Variants in TRIOBP observed in about 807,000 individuals in gnomAD.
The protein encoded by TRIOBP is TRIO and F-actin-binding protein.
Under a neutral mutation model 238.8 loss-of-function variants are expected in TRIOBP, and 169 were observed. The observed-to-expected ratio is 0.71, with a 90% CI of 0.62 to 0.80. The LOEUF (loss-of-function observed/expected upper bound fraction) is 0.80, where lower values mean the gene tolerates loss of function less well. Ranked by LOEUF, TRIOBP falls within the 30% of genes least tolerant of loss-of-function variation. The pLI is 0.00. For synonymous variants in TRIOBP, 1,150 were observed against 1,274.4 expected (o/e 0.90, Z 2.08); for missense variants, 2,838 against 3,122.6 (o/e 0.91, Z 2.17).
chr22:37,707,554 T>C (rs1014805584), intron 3 of TRIOBP, among the ~76,000 whole-genome samples: 1 of 151,994 alleles, frequency 6.6e-6, no homozygotes, highest in East Asian at 1.9e-4. Context: ...TTTAGCCCAT[T>C]TTTCCTCCAA....
intron 11 of TRIOBP, among the ~76,000 whole-genome samples, chr22:37,742,849 T>G (rs184481244): frequency 1.3e-5 from 2 of 152,120 alleles, no homozygotes; most frequent in Admixed American, 1.3e-4. Context: ...CGCCACCTAA[T>G]TGCATTTGAT....
chr22:37,750,005 A>G (rs529020550), intron 11 of TRIOBP, among the ~76,000 whole-genome samples: 128 of 152,214 alleles, frequency 8.4e-4, no homozygotes, highest in African/African-American at 2.9e-3. Context: ...TCACTGTGTC[A>G]TGGCGTGCCT....
chr22:37,721,746 GC>G (rs1412329182), intron 6 of TRIOBP, among the ~76,000 whole-genome samples: 1 of 152,220 alleles, frequency 6.6e-6, no homozygotes, highest in East Asian at 1.9e-4. Context: ...CTCTCAAAGT[GC>G]TGGGATTACA....
chr22:37,763,120 G>T (rs112936129), intron 17 of TRIOBP, among the ~76,000 whole-genome samples: 1 of 152,278 alleles, frequency 6.6e-6, no homozygotes, highest in African/African-American at 2.4e-5. Context: ...GGGTCTGCCT[G>T]CCTGGTCTGG....
intron 11 of TRIOBP, chr22:37,750,616 A>T (rs1948208706): frequency 2.1e-6 from 1 of 470,972 alleles, no homozygotes; most frequent in Non-Finnish European, 4.4e-6. Flanking sequence ...GGCCGTGAGC[A>T]GAGCCTGTGT....
At position 37,725,757 on chromosome 22, in the gene TRIOBP, CCG is replaced by C. The variant is rs1601632909; in HGVS notation, c.3202_3203del (p.Asp1069CysfsTer14). ...YIPPAVCIGH[R>X]DAPRASSPPR... ...TACCACCTGCTGTGTGCATTGGACA[CCG>C]AGATGCCCCCCGGGCGTCCTCGCCC... On this transcript the variant is annotated frameshift_variant, in exon 7 of 24. Coordinates refer to ENST00000644935, the MANE Select transcript of TRIOBP (RefSeq NM_001039141.3). LOFTEE classifies it high-confidence loss of function. The C allele has an allele frequency of 6.2e-7, 1 of 1,612,262 alleles. No individual in the cohort carries two copies. Among genetic ancestry groups the C allele is most frequent in the South Asian group, 1.1e-5 (1 of 91,004 alleles).
chr22:37,726,601 C>T (rs879603520), intron 7 of TRIOBP, 98 bp downstream of exon 7: 6 of 1,244,150 alleles, frequency 4.8e-6, no homozygotes, highest in South Asian at 1.8e-5. Flanking sequence ...GTTCAAATCC[C>T]CCTGGCTTGC....
chr22:37,755,143 G>C lies in TRIOBP; in HGVS notation c.5530G>C (p.Asp1844His). 1.2e-6 allele frequency: 2 copies of C among 1,613,826 alleles called. No individual in the cohort carries two copies. Among genetic ancestry groups the C allele is most frequent in the Non-Finnish European group, 1.7e-6 (2 of 1,179,896 alleles). Residue 1844 changes from aspartate to histidine, a missense_variant, in exon 14 of 24, where the codon GAT (aspartate) becomes CAT (histidine). Asp to His is a moderately conservative substitution (Grantham distance 81). This residue lies in a region of TRIOBP where 2,096 missense variants were observed against 2,137.4 expected (regional missense o/e 0.98). Transcript: ENST00000644935. The part of the protein sequence containing the change: ...DGEIDLRSCT[D>H]VTEYAVQRNY... ...TGAGATCGACCTGCGTTCCTGCACG[G>C]ATGTCACTGAGTACGCGGTGCAGCG...
chr22:37,727,644 G>A (rs1373467924), intron 7 of TRIOBP, among the ~76,000 whole-genome samples: 1 of 151,982 alleles, frequency 6.6e-6, no homozygotes, highest in East Asian at 1.9e-4. Flanking sequence ...CTCCAACCTG[G>A]GTGACAGAGT....
At chr22:37,741,070 GGATA>G (rs1468079981) in intron 11 of TRIOBP, 38 bp downstream of exon 11, 4 of 1,551,718 alleles carry the variant, frequency 2.6e-6, no homozygotes. Flanking sequence ...GGGTGAGGGT[GGATA>G]GAGACGGGGA....
rs1208401659 is a variant in TRIOBP, at chr22:37,775,929, C to G, written c.*2149C>G. 1 of 152,264 alleles carries G rather than the reference C, an allele frequency of 6.6e-6. No homozygotes were observed. Among genetic ancestry groups the G allele is most frequent in the Non-Finnish European group, 1.5e-5 (1 of 68,076 alleles). 9.4% of individuals were successfully genotyped at this position (152,264 alleles called of 1,614,324 possible). ...TCAAATCCTCCGGCCTTGTGCTGCC[C>G]TGTCTCGGCACTGCTTGCCTTAGGA... On this transcript the variant is annotated 3_prime_UTR_variant, in exon 24 of 24. Transcript: ENST00000644935.
rs1923746209 is a variant in TRIOBP at position 37,719,999 on chromosome 22, CCT to C, written c.629-3185_629-3184del. On this transcript the variant is annotated intron_variant, in intron 6 of 23. Coordinates refer to ENST00000644935, the MANE Select transcript of TRIOBP (RefSeq NM_001039141.3). ...CACTGTTTCACTCATCCCCCCCCGCCCTTTTTTTTTTTTTTTTTTTTTTTTTT... is the reference window on the plus strand; with the variant it reads ...CACTGTTTCACTCATCCCCCCCCGCCTTTTTTTTTTTTTTTTTTTTTTTTT... Among the ~76,000 whole-genome samples the C allele has an allele frequency of 2.7e-4, 9 of 33,690 alleles. 1 individual carries two copies. The highest frequency in any genetic ancestry group is 8.8e-4 in the African/African-American group (8 of 9,142). 22.1% of individuals were successfully genotyped at this position (33,690 alleles called of 152,430 possible).
At chr22:37,752,658 G>A (rs1925682738) in intron 12 of TRIOBP, among the ~76,000 whole-genome samples, 1 of 152,136 alleles carries the variant, frequency 6.6e-6, no homozygotes, top group Non-Finnish European at 1.5e-5. Flanking sequence ...TTCCCTACCC[G>A]CTGCCTGCCC....
At chr22:37,710,365 G>C in intron 3 of TRIOBP, 62 bp from the exon 4 acceptor site, 1 of 1,606,026 alleles carries the variant, frequency 6.2e-7, no homozygotes, top group Non-Finnish European at 8.5e-7. Context: ...GAGGGGCTGT[G>C]CAGGGGGAGG....
chr22:37,727,677 A>G (rs1924241050), intron 7 of TRIOBP, among the ~76,000 whole-genome samples: 2 of 152,200 alleles, frequency 1.3e-5, no homozygotes, highest in East Asian at 1.9e-4. Flanking sequence ...AAAAATAAAA[A>G]TAAAATAAAA....
intron 9 of TRIOBP, among the ~76,000 whole-genome samples, chr22:37,737,651 A>C (rs1601641659): frequency 8.2e-6 from 1 of 121,316 alleles, no homozygotes; most frequent in African/African-American, 3.5e-5. Flanking sequence ...ACAGAGCGAG[A>C]CTCCATCTCA....
rs1437943857 is a variant in TRIOBP, at chr22:37,713,218, C to T, written c.263C>T (p.Ser88Phe). The T allele has an allele frequency of 2.5e-6, 4 of 1,613,384 alleles. No individual in the cohort carries two copies. Among genetic ancestry groups the T allele is most frequent in the South Asian group, 2.2e-5 (2 of 91,068 alleles). ...GLRPGPKRGP[S>F]PSAGLPEEGP... is the part of the protein sequence containing the mutation. The stretch of plus-strand genomic sequence containing the variant: ...TCTGTCTCCTCTCCCAGGGGCCCAT[C>T]CCCCTCAGCAGGGCTCCCAGAAGAG... The change falls in exon 5 of 24, where the codon TCC becomes TTC. Residue 88 changes from serine (S) to phenylalanine (F), a missense_variant. Coordinates refer to ENST00000644935, the MANE Select transcript of TRIOBP (RefSeq NM_001039141.3).
At chr22:37,758,987 T>C (rs767453928) in intron 16 of TRIOBP, among the ~76,000 whole-genome samples, 167 bp from the exon 17 acceptor site, 3 of 152,148 alleles carry the variant, frequency 2.0e-5, no homozygotes, top group Non-Finnish European at 2.9e-5. Context: ...CCTGGCTACA[T>C]CTCACTCCAG....
At chr22:37,743,818 T>TGTGTGTGG (rs1263030624) in intron 11 of TRIOBP, among the ~76,000 whole-genome samples, 3 of 122,714 alleles carry the variant, frequency 2.4e-5, no homozygotes, top group Non-Finnish European at 4.9e-5. Flanking sequence ...TGTGTGTGTG[T>TGTGTGTGG]GTGTGTGTGT....
Sources: allele counts gnomAD v4.1 joint callset (sites outside exome capture counted in the v4.1 genomes callset), GRCh38; gene constraint gnomAD v4.1.1; regional missense constraint gnomAD v4.1.1; transcripts MANE v1.5; gene names NCBI Gene and HGNC (gene_info 2026-07-23, HGNC 2026-07-21).